The following SSMEM1 variants were observed in gnomAD, a reference collection of about 807,000 sequenced individuals.
SSMEM1 encodes serine-rich single-pass membrane protein 1.
Under a neutral mutation model 9.9 loss-of-function variants are expected in SSMEM1, and 12 were observed. The ratio of observed to expected loss-of-function variants is 1.21; its 90% CI spans 0.78 to 1.96. The LOEUF is 1.96. Among genes scored for constraint, SSMEM1 ranks in the 30% most tolerant of loss-of-function variants. SSMEM1 has a pLI of 0.00. For missense variants in SSMEM1, 259 were observed against 292.2 expected (o/e 0.89, Z 0.83); for synonymous variants, 96 against 98.9 (o/e 0.97, Z 0.17).
At chr7:130,205,667 C>T (rs1798435902), upstream of SSMEM1, among the ~76,000 whole-genome samples, 1 of 152,148 alleles carries the variant, frequency 6.6e-6, no homozygotes, top group South Asian at 2.1e-4. Flanking sequence ...AATTTTGTAT[C>T]TATTAATATA....
Position 130,207,919 on chromosome 7 carries a change from CCTTTTT to C in SSMEM1, c.10_15del (p.Leu4_Phe5del). 1 of 1,613,524 alleles carries C rather than the reference CCTTTTT, an allele frequency of 6.2e-7. No homozygotes were observed. Among genetic ancestry groups the C allele is most frequent in the Non-Finnish European group, 8.5e-7 (1 of 1,179,802 alleles). The stretch of plus-strand genomic sequence containing the variant: ...CTGAGCAAGGAGTCATCATGGGAGA[CCTTTTT>C]TCCTTATTTTGGGAGGTAGATCCTC... On this transcript the variant is annotated inframe_deletion, in exon 1 of 3. Transcript: ENST00000297819.
chr7:130,207,726 T>A, upstream of SSMEM1: 1 of 709,982 alleles, frequency 1.4e-6, no homozygotes, highest in Non-Finnish European at 2.5e-6. Flanking sequence ...TTCAGAGGAG[T>A]AATTTGAATA....
At chr7:130,209,686 T>G (rs1798556263) in intron 1 of SSMEM1, among the ~76,000 whole-genome samples, 1 of 152,228 alleles carries the variant, frequency 6.6e-6, no homozygotes, top group South Asian at 2.1e-4. Flanking sequence ...TTCCAGTGAT[T>G]CTCCTGCCTC....
At chr7:130,207,724 A>G, upstream of SSMEM1, 1 of 708,382 alleles carries the variant, frequency 1.4e-6, no homozygotes, top group East Asian at 2.8e-5. Flanking sequence ...CATTCAGAGG[A>G]GTAATTTGAA....
intron 2 of SSMEM1, among the ~76,000 whole-genome samples, chr7:130,214,203 G>T (rs1479210724): frequency 6.6e-6 from 1 of 152,120 alleles, no homozygotes; most frequent in African/African-American, 2.4e-5. Context: ...ACTGCTTGAG[G>T]CCAGGAGTTC....
At chr7:130,207,853 A>T (rs1798516373), upstream of SSMEM1, 1 of 1,562,980 alleles carries the variant, frequency 6.4e-7, no homozygotes, top group African/African-American at 1.4e-5. Context: ...GGAGTGAAGT[A>T]GTTCCCAGTC....
At chr7:130,211,222 ATC>A (rs2117057477) in intron 1 of SSMEM1, among the ~76,000 whole-genome samples, 1 of 150,086 alleles carries the variant, frequency 6.7e-6, no homozygotes, top group Non-Finnish European at 1.5e-5. Flanking sequence ...CAGTGGTGCA[ATC>A]TCTGCTCACT....
At position 130,216,219 on chromosome 7, in the gene SSMEM1, T is replaced by G; in HGVS notation, c.484T>G (p.Trp162Gly). The change falls in exon 3 of 3, where the codon TGG (tryptophan) becomes GGG (glycine). Residue 162 changes from tryptophan to glycine, a missense_variant. Trp to Gly is a radical substitution (Grantham distance 184). Coordinates refer to ENST00000297819, the MANE Select transcript of SSMEM1 (RefSeq NM_145268.4). ...SEESNSEASS[W>G]KESESEHHPS... is the part of the protein sequence containing the mutation. ...AGAGTCTAACTCAGAAGCCTCCTCG[T>G]GGAAGGAGAGTGAAAGTGAACACCA... 1 of 1,614,108 alleles carries G rather than the reference T, an allele frequency of 6.2e-7. No individual in the cohort carries two copies. Among genetic ancestry groups the G allele is most frequent in the Non-Finnish European group, 8.5e-7 (1 of 1,180,030 alleles).
intron 2 of SSMEM1, 98 bp downstream of exon 2, chr7:130,213,632 A>G: frequency 1.2e-6 from 1 of 866,376 alleles, no homozygotes; most frequent in Non-Finnish European, 1.7e-6. Context: ...CTGAGGCAGG[A>G]GGATTGCTTG....
At chr7:130,211,838 GT>G (rs1286370541) in intron 1 of SSMEM1, among the ~76,000 whole-genome samples, 1 of 152,060 alleles carries the variant, frequency 6.6e-6, no homozygotes, top group Admixed American at 6.5e-5. Context: ...GCATCTTGAT[GT>G]TTAACCCAGT....
At chr7:130,206,710 G>A (rs1798481256), upstream of SSMEM1, among the ~76,000 whole-genome samples, 1 of 152,158 alleles carries the variant, frequency 6.6e-6, no homozygotes, top group Non-Finnish European at 1.5e-5. Flanking sequence ...ATACCGGCCG[G>A]GCGCGGTGGC....
chr7:130,211,531 A>G (rs1798591631), intron 1 of SSMEM1, among the ~76,000 whole-genome samples: 1 of 152,200 alleles, frequency 6.6e-6, no homozygotes, highest in South Asian at 2.1e-4. Flanking sequence ...CCAGAAAACA[A>G]AAAGGCACCT....
At position 130,216,078 on chromosome 7, in the gene SSMEM1, T is replaced by A. The variant is rs746103152; in HGVS notation, c.343T>A (p.Ser115Thr). ...KQNQLTPVTN[S>T]EVALVNAYPE... ...GAACCAACTTACCCCTGTAACCAAC[T>A]CAGAAGTGGCTTTGGTCAATGCCTA... The change falls in exon 3 of 3, where the codon TCA (serine) becomes ACA (threonine). Residue 115 changes from serine to threonine, a missense_variant. Transcript: ENST00000297819. The A allele has an allele frequency of 6.2e-7, 1 of 1,614,082 alleles. No individual in the cohort carries two copies. The highest frequency in any genetic ancestry group is 1.1e-5 in the South Asian group (1 of 91,074).
chr7:130,207,517 C>A (rs1377390654), upstream of SSMEM1, among the ~76,000 whole-genome samples: 1 of 152,132 alleles, frequency 6.6e-6, no homozygotes, highest in East Asian at 1.9e-4. Flanking sequence ...TTAGGGAACA[C>A]AGTTTGATCG....
intron 1 of SSMEM1, among the ~76,000 whole-genome samples, chr7:130,209,718 T>C (rs933716318): frequency 2.6e-5 from 4 of 152,226 alleles, no homozygotes; most frequent in Non-Finnish European, 5.9e-5. Flanking sequence ...TAGCTGGGAT[T>C]ATAGGCGTGC....
At chr7:130,213,350 T>A (rs2117060972) in intron 1 of SSMEM1, 130 bp from the exon 2 acceptor site, 2 of 582,162 alleles carry the variant, frequency 3.4e-6, no homozygotes, top group South Asian at 6.1e-5. Context: ...TCTCCAAAAA[T>A]AAATAAATAA....
rs760761154 is a variant in SSMEM1 at position 130,216,481 on chromosome 7, G to A, written c.*11G>A. ...TTTAGTAAATTTTGAATTTTATCAC[G>A]TTCTTCCTTCACTTGAAGCCAAATG... On this transcript the variant is annotated 3_prime_UTR_variant, in exon 3 of 3. Coordinates refer to ENST00000297819, the MANE Select transcript of SSMEM1 (RefSeq NM_145268.4). The A allele has an allele frequency of 3.3e-5, 53 of 1,605,806 alleles. No individual in the cohort carries two copies. The highest frequency in any genetic ancestry group is 6.7e-5 in the East Asian group (3 of 44,730).
chr7:130,211,753 A>C (rs544407957), intron 1 of SSMEM1, among the ~76,000 whole-genome samples: 19 of 152,284 alleles, frequency 1.2e-4, no homozygotes, highest in African/African-American at 4.6e-4. Flanking sequence ...CATAGCTATC[A>C]CTTTTATATG....
chr7:130,208,796 G>A (rs529155038), intron 1 of SSMEM1, among the ~76,000 whole-genome samples: 57 of 152,178 alleles, frequency 3.7e-4, no homozygotes, highest in African/African-American at 1.3e-3. Context: ...AAATGCCATC[G>A]TCTTAAGAAT....
Sources: gnomAD v4.1 joint callset for allele counts (sites outside exome capture counted in the v4.1 genomes callset) on GRCh38, gnomAD v4.1.1 for gene constraint, MANE v1.5 for transcripts, NCBI Gene and HGNC (gene_info 2026-07-23, HGNC 2026-07-21) for gene names.